CAMK4: variants seen among roughly 807,000 people sequenced by gnomAD.
CAMK4 encodes the protein calcium/calmodulin dependent protein kinase IV, also known as calcium/calmodulin-dependent protein kinase type IV.
In CAMK4, 22 loss-of-function variants were observed where a neutral mutation model predicts 44.9. That is an observed-to-expected ratio of 0.49 (90% CI 0.35 to 0.70). CAMK4 has a LOEUF of 0.70. CAMK4 is among the 30% of genes least tolerant of loss of function. The pLI, the probability that CAMK4 is intolerant of heterozygous loss-of-function variation, is 0.01. For missense variants in CAMK4, 498 were observed against 586.8 expected (o/e 0.85, Z 1.56); for synonymous variants, 218 against 215.4 (o/e 1.01, Z -0.11).
chr5:111,418,668 C>A (rs1752905412), intron 5 of CAMK4, among the ~76,000 whole-genome samples: 1 of 151,346 alleles, frequency 6.6e-6, no homozygotes. Context: ...GTTCAATTCC[C>A]ACCTATGAGT....
intron 4 of CAMK4, among the ~76,000 whole-genome samples, chr5:111,378,323 A>G (rs192123708): frequency 6.6e-6 from 1 of 152,266 alleles, no homozygotes; most frequent in African/African-American, 2.4e-5. Flanking sequence ...TGTATAAGAC[A>G]CACAGGTTAT....
chr5:111,429,916 C>CAA (rs1753376032), intron 5 of CAMK4, among the ~76,000 whole-genome samples: 1 of 90,516 alleles, frequency 1.1e-5, no homozygotes, highest in African/African-American at 4.3e-5. Context: ...TCAAACTATT[C>CAA]CAAAAAAAAA....
At chr5:111,397,902 G>C (rs76825937) in intron 5 of CAMK4, among the ~76,000 whole-genome samples, 4,689 of 152,132 alleles carry the variant, frequency 0.031, 105 homozygotes, top group Middle Eastern at 0.082. Context: ...TTGTTCTACT[G>C]ACAAAACGTT....
intron 5 of CAMK4, among the ~76,000 whole-genome samples, chr5:111,410,592 T>C (rs1169810380): frequency 6.6e-6 from 1 of 152,152 alleles, no homozygotes; most frequent in African/African-American, 2.4e-5. Context: ...TCTGTGGTAG[T>C]AGTTGTTTGC....
Position 111,484,316 on chromosome 5 carries a change from G to A in CAMK4, c.1272G>A (p.Gly424=), listed in dbSNP as rs1755537946. 1.9e-6 allele frequency: 3 copies of A among 1,613,920 alleles called. No homozygotes were observed. In the African/African-American group the frequency reaches 4.0e-5, roughly 22 times the overall value. ...TGGTGCCCAAGGCAGTGGAGGATGG[G>A]ATAAAGGTGGCTGACCTGGAACTAG... ...PKMVPKAVED[G]IKVADLELEE... The change falls in exon 11 of 11, where the codon GGG becomes GGA. Residue 424 remains glycine, a synonymous_variant. Transcript: ENST00000282356. The surrounding 1 kb of genome is among the most constrained non-coding windows in gnomAD (Gnocchi z 5.3).
chr5:111,479,281 T>C (rs1267819879), intron 9 of CAMK4, among the ~76,000 whole-genome samples: 4 of 152,230 alleles, frequency 2.6e-5, no homozygotes, highest in Non-Finnish European at 5.9e-5. Flanking sequence ...ATTGGCATTA[T>C]AAAAATGTTC....
intron 2 of CAMK4, among the ~76,000 whole-genome samples, chr5:111,366,200 C>T (rs571278031): frequency 2.6e-5 from 4 of 152,192 alleles, no homozygotes; most frequent in Middle Eastern, 3.4e-3. Context: ...GGACATCATT[C>T]ATACCAAAAA....
intron 7 of CAMK4, among the ~76,000 whole-genome samples, 173 bp downstream of exon 7, chr5:111,449,376 T>G (rs1158691036): frequency 1.3e-5 from 2 of 152,218 alleles, no homozygotes; most frequent in Non-Finnish European, 2.9e-5. Flanking sequence ...TCTTGTTTTC[T>G]ATGAGAGGTT....
At chr5:111,323,331 G>C (rs916343507) in intron 1 of CAMK4, among the ~76,000 whole-genome samples, 1 of 151,940 alleles carries the variant, frequency 6.6e-6, no homozygotes, top group Non-Finnish European at 1.5e-5. Context: ...AAATCCCATA[G>C]CAAACTGATG....
At chr5:111,246,442 A>G (rs1391321041) in intron 1 of CAMK4, among the ~76,000 whole-genome samples, 2 of 152,234 alleles carry the variant, frequency 1.3e-5, no homozygotes, top group Non-Finnish European at 2.9e-5. Context: ...AACCAATGGA[A>G]TAGATTTATT....
chr5:111,370,116 A>G (rs750829180), intron 2 of CAMK4, among the ~76,000 whole-genome samples: 1 of 152,168 alleles, frequency 6.6e-6, no homozygotes, highest in Admixed American at 6.6e-5. Context: ...GATGTGGAGT[A>G]TCGTGGAAAA....
chr5:111,353,597 A>G (rs1180799830), intron 2 of CAMK4, among the ~76,000 whole-genome samples: 1 of 152,148 alleles, frequency 6.6e-6, no homozygotes, highest in African/African-American at 2.4e-5. Context: ...AAATATAGAA[A>G]ACTCTAAAGA....
chr5:111,243,826 G>A (rs879877627), intron 1 of CAMK4, among the ~76,000 whole-genome samples: 2 of 152,190 alleles, frequency 1.3e-5, no homozygotes, highest in African/African-American at 4.8e-5. Flanking sequence ...TATTGTGACT[G>A]TATCTTGTGC....
At chr5:111,463,111 G>A (rs1255647634) in intron 7 of CAMK4, among the ~76,000 whole-genome samples, 3 of 152,294 alleles carry the variant, frequency 2.0e-5, no homozygotes, top group East Asian at 3.9e-4. Flanking sequence ...GTATCATTTA[G>A]TGTTTTATGA....
chr5:111,360,333 G>T (rs983296355), intron 2 of CAMK4, among the ~76,000 whole-genome samples: 12 of 152,022 alleles, frequency 7.9e-5, no homozygotes, highest in African/African-American at 2.9e-4. Flanking sequence ...GCATGAAGAG[G>T]CCACATACCA....
At chr5:111,443,239 C>G (rs368940370) in intron 5 of CAMK4, among the ~76,000 whole-genome samples, 2,446 of 110,060 alleles carry the variant, frequency 0.022, 26 homozygotes, top group African/African-American at 0.047. Flanking sequence ...ATGCCTCCCC[C>G]TACCATATAT....
rs1173845482 is a variant in CAMK4 at position 111,486,622 on chromosome 5, C to T, written c.*2156C>T. 1 of 151,898 alleles carries T rather than the reference C, an allele frequency of 6.6e-6. No individual in the cohort carries two copies. Among genetic ancestry groups the T allele is most frequent in the Non-Finnish European group, 1.5e-5 (1 of 68,078 alleles). 9.4% of individuals were successfully genotyped at this position (151,898 alleles called of 1,614,324 possible). A position where few individuals can be genotyped will look rare whatever the true frequency, so the allele number is the denominator to read the frequency against. On this transcript the variant is annotated 3_prime_UTR_variant, in exon 11 of 11. Transcript: ENST00000282356. ...GCTTAGCTGAAAGATCAGAACACAT[C>T]ATTCCTCCCTGCCCACCCCCATATT...
intron 1 of CAMK4, among the ~76,000 whole-genome samples, chr5:111,264,949 A>C (rs1750170578): frequency 6.6e-6 from 1 of 152,136 alleles, no homozygotes; most frequent in Non-Finnish European, 1.5e-5. Context: ...CTTTCAGTAC[A>C]AATGTCCCCT....
At chr5:111,358,665 C>T (rs1750474471) in intron 2 of CAMK4, among the ~76,000 whole-genome samples, 1 of 151,736 alleles carries the variant, frequency 6.6e-6, no homozygotes, top group Admixed American at 6.6e-5. Context: ...TATTTCATCA[C>T]CCAGGTACTA....
Sources: allele counts gnomAD v4.1 joint callset (sites outside exome capture counted in the v4.1 genomes callset), GRCh38; gene constraint gnomAD v4.1.1; non-coding constraint Gnocchi (gnomAD v3.1); transcripts MANE v1.5; gene names NCBI Gene and HGNC (gene_info 2026-07-23, HGNC 2026-07-21).